Variants in RANBP2 observed in about 807,000 individuals in gnomAD.
The protein encoded by RANBP2 is RAN binding protein 2.
Under a neutral mutation model 303.6 loss-of-function variants are expected in RANBP2, and 57 were observed. The observed-to-expected ratio is 0.19, with a 90% confidence interval of 0.15 to 0.23. RANBP2 has a LOEUF of 0.23. RANBP2 is among the 10% of genes least tolerant of loss of function. The pLI is 1.00. For missense variants in RANBP2, 3,138 were observed against 3,780.8 expected, an observed-to-expected ratio of 0.83 and a Z score of 4.46; for synonymous variants, 1,167 against 1,301.5, an observed-to-expected ratio of 0.90 and a Z score of 2.23.
chr2:109,668,594 G>A, the RANBP2 span, among the ~76,000 whole-genome samples: 213 of 152,322 alleles, frequency 1.4e-3, 3 homozygotes, highest in East Asian at 0.029. Context: ...TATGAGAAAT[G>A]AAGATGGAAT....
chr2:109,632,805 C>T, the RANBP2 span, among the ~76,000 whole-genome samples: 189 of 149,686 alleles, frequency 1.3e-3, no homozygotes, highest in African/African-American at 4.3e-3. Flanking sequence ...GGCAACAGAG[C>T]GAGACTCTGT....
the RANBP2 span, among the ~76,000 whole-genome samples, chr2:108,945,603 GA>G: frequency 1.3e-5 from 2 of 152,152 alleles, no homozygotes; most frequent in Non-Finnish European, 2.9e-5. Flanking sequence ...GACTGGAAAT[GA>G]AAGGAAAATA....
the RANBP2 span, among the ~76,000 whole-genome samples, chr2:109,166,459 GA>G: frequency 2.1e-4 from 28 of 134,290 alleles, no homozygotes; most frequent in East Asian, 4.3e-4. Context: ...CCTGGTGACA[GA>G]AAAAAAAAAA....
At chr2:109,651,050 C>T in the RANBP2 span, among the ~76,000 whole-genome samples, 11 of 152,018 alleles carry the variant, frequency 7.2e-5, no homozygotes, top group African/African-American at 2.4e-4. Flanking sequence ...TAGTTCTACC[C>T]GTATTTAACT....
chr2:108,804,917 C>T, the RANBP2 span: 3 of 1,558,900 alleles, frequency 1.9e-6, no homozygotes, highest in East Asian at 2.3e-5. Context: ...GAACACTTAA[C>T]CGAAGTTCTT....
chr2:109,158,824 A>G, the RANBP2 span, among the ~76,000 whole-genome samples: 1 of 152,220 alleles, frequency 6.6e-6, no homozygotes, highest in Admixed American at 6.5e-5. Flanking sequence ...CCTGGTCTAC[A>G]TGCTTTATGT....
At chr2:109,456,638 C>T in the RANBP2 span, among the ~76,000 whole-genome samples, 2 of 152,216 alleles carry the variant, frequency 1.3e-5, no homozygotes, top group African/African-American at 2.4e-5. Context: ...CCCAGTTCTC[C>T]TGTAGAAACT....
At chr2:109,697,544 C>CTAGT in the RANBP2 span, among the ~76,000 whole-genome samples, 8 of 150,060 alleles carry the variant, frequency 5.3e-5, no homozygotes, top group Admixed American at 4.0e-4. Context: ...AAGTTAGCTG[C>CTAGT]TAGTATATAG....
chr2:109,516,677 C>T, the RANBP2 span, among the ~76,000 whole-genome samples: 1 of 152,206 alleles, frequency 6.6e-6, no homozygotes, highest in African/African-American at 2.4e-5. Flanking sequence ...GAGCCCCCAG[C>T]CCCAAAGCAG....
At chr2:108,897,478 AC>A in the RANBP2 span, among the ~76,000 whole-genome samples, 1 of 152,116 alleles carries the variant, frequency 6.6e-6, no homozygotes, top group African/African-American at 2.4e-5. Flanking sequence ...TAGGAAAATG[AC>A]TGCTATATTG....
At chr2:108,855,660 T>C in the RANBP2 span, among the ~76,000 whole-genome samples, 2 of 152,134 alleles carry the variant, frequency 1.3e-5, no homozygotes, top group Non-Finnish European at 2.9e-5. Flanking sequence ...AAAAATGGAG[T>C]GTACTATAAT....
the RANBP2 span, among the ~76,000 whole-genome samples, chr2:109,422,037 T>C: frequency 6.6e-6 from 1 of 152,344 alleles, no homozygotes; most frequent in Non-Finnish European, 1.5e-5. Flanking sequence ...CTATCCTCTT[T>C]AACTCTAAGA....
the RANBP2 span, among the ~76,000 whole-genome samples, chr2:109,521,772 G>A: frequency 6.6e-6 from 1 of 152,232 alleles, no homozygotes; most frequent in African/African-American, 2.4e-5. Flanking sequence ...AAGCCTAGCA[G>A]CAGATAATCT....
At chr2:108,749,872 T>C (rs527536676) in intron 9 of RANBP2, among the ~76,000 whole-genome samples, 1 of 152,280 alleles carries the variant, frequency 6.6e-6, no homozygotes, top group Admixed American at 6.5e-5. Context: ...GGATTAGGCC[T>C]GGCACAGTGG....
the RANBP2 span, among the ~76,000 whole-genome samples, chr2:109,171,716 C>T: frequency 3.3e-5 from 5 of 152,262 alleles, no homozygotes; most frequent in Admixed American, 2.0e-4. Context: ...TCCAGAGGCC[C>T]AGCCCCTGCG....
At chr2:108,997,459 A>AAG in the RANBP2 span, among the ~76,000 whole-genome samples, 4 of 131,474 alleles carry the variant, frequency 3.0e-5, no homozygotes, top group East Asian at 1.2e-3. Flanking sequence ...AAAAAAAAAA[A>AAG]AAAAGATGAT....
chr2:109,263,704 C>T, the RANBP2 span, among the ~76,000 whole-genome samples: 8 of 152,300 alleles, frequency 5.3e-5, no homozygotes, highest in East Asian at 7.7e-4. Flanking sequence ...CGGTGGCTCA[C>T]GCCTGTAATC....
At chr2:109,399,327 A>C in the RANBP2 span, among the ~76,000 whole-genome samples, 4 of 152,204 alleles carry the variant, frequency 2.6e-5, no homozygotes, top group African/African-American at 9.7e-5. Flanking sequence ...AATGTTTGCT[A>C]ATTTCCCTTT....
At chr2:109,281,409 T>C in the RANBP2 span, among the ~76,000 whole-genome samples, 6 of 152,186 alleles carry the variant, frequency 3.9e-5, no homozygotes, top group South Asian at 2.1e-4. Flanking sequence ...GATGTGACAG[T>C]CTCAGAGCAG....
Sources: gnomAD v4.1 joint callset for allele counts (sites outside exome capture counted in the v4.1 genomes callset) on GRCh38, gnomAD v4.1.1 for gene constraint, MANE v1.5 for transcripts, NCBI Gene and HGNC (gene_info 2026-07-23, HGNC 2026-07-21) for gene names.